Variants in PAPPA2 observed in about 807,000 individuals in gnomAD.
The protein encoded by PAPPA2 is pappalysin 2.
In PAPPA2, 86 loss-of-function variants were observed where a neutral mutation model predicts 176.4. The ratio of observed to expected loss-of-function variants is 0.49; its 90% CI spans 0.41 to 0.58. The LOEUF (loss-of-function observed/expected upper bound fraction) is 0.58, where lower values mean the gene tolerates loss of function less well. Among genes scored for constraint, PAPPA2 ranks in the 20% least tolerant of loss-of-function variants. The pLI is 0.00. For synonymous variants in PAPPA2, 809 were observed against 852.2 expected, an observed-to-expected ratio of 0.95 and a Z score of 0.88; for missense variants, 2,073 against 2,256.9, an observed-to-expected ratio of 0.92 and a Z score of 1.65.
Position 176,595,106 on chromosome 1 carries a change from A to G in PAPPA2, c.1502A>G (p.Gln501Arg). Reference protein sequence around the residue: ...LSPLQPPLCGQTVCDNVELIS... With the variant: ...LSPLQPPLCGRTVCDNVELIS... ...CCTTTGCAGCCCCCACTCTGTGGGC[A>G]AACAGTCTGTGACAATGTGGAATTG... The change falls in exon 3 of 23, where the codon CAA becomes CGA. Residue 501 changes from glutamine (Q) to arginine (R), a missense_variant. Coordinates refer to ENST00000367662, the MANE Select transcript of PAPPA2 (RefSeq NM_020318.3). The G allele has an allele frequency of 6.2e-7, 1 of 1,614,140 alleles. No homozygotes were observed.
intron 3 of PAPPA2, among the ~76,000 whole-genome samples, chr1:176,661,261 A>G (rs1350942673): frequency 6.6e-6 from 1 of 152,096 alleles, no homozygotes; most frequent in East Asian, 1.9e-4. Flanking sequence ...AAACCACTGT[A>G]GCTATTTTAA....
chr1:176,770,016 T>C (rs1052487714), intron 16 of PAPPA2, among the ~76,000 whole-genome samples: 1 of 152,244 alleles, frequency 6.6e-6, no homozygotes, highest in African/African-American at 2.4e-5. Flanking sequence ...TAGACTTTCC[T>C]CTATTTTTAT....
chr1:176,602,653 G>A (rs72716840), intron 3 of PAPPA2, among the ~76,000 whole-genome samples: 2,474 of 152,082 alleles, frequency 0.016, 27 homozygotes, highest in Non-Finnish European at 0.025. Context: ...GAAAATAAGC[G>A]TAAGGGGTAG....
At chr1:176,565,183 A>G (rs1018474271) in intron 2 of PAPPA2, among the ~76,000 whole-genome samples, 2 of 152,158 alleles carry the variant, frequency 1.3e-5, no homozygotes, top group African/African-American at 4.8e-5. Flanking sequence ...CAATTACTGG[A>G]TATTTTGGTT....
intron 17 of PAPPA2, among the ~76,000 whole-genome samples, chr1:176,773,906 T>C (rs566227369): frequency 2.0e-5 from 3 of 152,308 alleles, no homozygotes; most frequent in Non-Finnish European, 4.4e-5. Flanking sequence ...CTTTGTCTCA[T>C]TCTACCCAGG....
intron 17 of PAPPA2, among the ~76,000 whole-genome samples, chr1:176,782,256 C>T (rs1664752202): frequency 6.6e-6 from 1 of 152,148 alleles, no homozygotes; most frequent in Non-Finnish European, 1.5e-5. Flanking sequence ...ATTCATTGAA[C>T]CAATATTTAT....
At chr1:176,779,475 A>ATCTC (rs1011914113) in intron 17 of PAPPA2, among the ~76,000 whole-genome samples, 7 of 99,688 alleles carry the variant, frequency 7.0e-5, no homozygotes, top group South Asian at 3.3e-4. Context: ...TTCCATACTC[A>ATCTC]TCACACACAC....
At chr1:176,568,825 GTC>G (rs1652141376) in intron 2 of PAPPA2, among the ~76,000 whole-genome samples, 2 of 152,186 alleles carry the variant, frequency 1.3e-5, no homozygotes, top group African/African-American at 4.8e-5. Context: ...AATTCTGACT[GTC>G]TCTAACCCGA....
intron 3 of PAPPA2, among the ~76,000 whole-genome samples, chr1:176,667,873 A>T (rs891428053): frequency 6.6e-6 from 1 of 152,158 alleles, no homozygotes; most frequent in African/African-American, 2.4e-5. Flanking sequence ...AGCACAAAGA[A>T]TCACTTTTCC....
chr1:176,837,478 C>CAAAAA (rs35134966), intron 21 of PAPPA2, among the ~76,000 whole-genome samples: 1 of 94,764 alleles, frequency 1.1e-5, no homozygotes, highest in Non-Finnish European at 2.1e-5. Context: ...TGTTAAAAGG[C>CAAAAA]AAAAAAAAAA....
chr1:176,734,716 G>A (rs902922809), intron 12 of PAPPA2, among the ~76,000 whole-genome samples: 3 of 152,076 alleles, frequency 2.0e-5, no homozygotes, highest in Admixed American at 6.6e-5. Context: ...CACACAGATA[G>A]CAATAGTATT....
rs560965475 is a variant in PAPPA2, at chr1:176,588,406, A to G, written c.920-6118A>G. Among the ~76,000 whole-genome samples the G allele has an allele frequency of 2.6e-5, 4 of 152,232 alleles. No homozygotes were observed. The South Asian group carries it at 6.2e-4, about 24-fold the overall frequency. ...TCCTCTTTGAATACCCTTTATTTCTATCTCTTGCCTGATTGCCCTAGCCAG... is the reference window on the plus strand; with the variant it reads ...TCCTCTTTGAATACCCTTTATTTCTGTCTCTTGCCTGATTGCCCTAGCCAG... On this transcript the variant is annotated intron_variant, in intron 2 of 22. Transcript: ENST00000367662.
intron 20 of PAPPA2, among the ~76,000 whole-genome samples, chr1:176,798,662 G>T (rs1157399229): frequency 6.6e-6 from 1 of 152,180 alleles, no homozygotes; most frequent in Non-Finnish European, 1.5e-5. Context: ...AATTACTGTT[G>T]ATATGCAAAT....
Position 176,541,933 on chromosome 1 carries a change from C to T in PAPPA2, c.-916-13474C>T, listed in dbSNP as rs12084168. 3.4e-3 allele frequency among the ~76,000 whole-genome samples: 520 copies of T among 152,326 alleles called. 2 individuals are homozygous for T. Among genetic ancestry groups the T allele is most frequent in the African/African-American group, 0.012 (485 of 41,566 alleles). On this transcript the variant is annotated intron_variant, in intron 1 of 22. Coordinates refer to ENST00000367662, the MANE Select transcript of PAPPA2 (RefSeq NM_020318.3). ...CTGACTCTACAAATACATAGTGATACACTTTGTTAGCACTTAATTCAAAAT... is the reference window on the plus strand; with the variant it reads ...CTGACTCTACAAATACATAGTGATATACTTTGTTAGCACTTAATTCAAAAT...
At chr1:176,588,106 C>A (rs917589552) in intron 2 of PAPPA2, among the ~76,000 whole-genome samples, 2 of 152,106 alleles carry the variant, frequency 1.3e-5, no homozygotes, top group Admixed American at 6.5e-5. Context: ...GTTTGTAGTT[C>A]TTCTTGAAGA....
At chr1:176,533,613 A>G (rs182973235) in intron 1 of PAPPA2, among the ~76,000 whole-genome samples, 43 of 152,350 alleles carry the variant, frequency 2.8e-4, no homozygotes, top group Admixed American at 6.5e-4. Flanking sequence ...CCATGGTTAT[A>G]CCTTCATAAA....
At chr1:176,669,924 C>T (rs1241863106) in intron 3 of PAPPA2, among the ~76,000 whole-genome samples, 8 of 152,140 alleles carry the variant, frequency 5.3e-5, no homozygotes, top group Non-Finnish European at 1.0e-4. Flanking sequence ...AGAATAGCAT[C>T]AACAAAGCAT....
chr1:176,697,927 T>A (rs1171072737), intron 7 of PAPPA2, among the ~76,000 whole-genome samples: 1 of 152,156 alleles, frequency 6.6e-6, no homozygotes, highest in Non-Finnish European at 1.5e-5. Context: ...ATGAATCAAC[T>A]CATAATAAAT....
rs12130267 is a variant in PAPPA2 at position 176,621,758 on chromosome 1, T to A, written c.1991+26163T>A. 5.3e-5 allele frequency among the ~76,000 whole-genome samples: 8 copies of A among 152,056 alleles called. No homozygotes were observed. The East Asian group carries it at 1.5e-3, about 29-fold the overall frequency. On this transcript the variant is annotated intron_variant, in intron 3 of 22. Coordinates refer to ENST00000367662, the MANE Select transcript of PAPPA2 (RefSeq NM_020318.3). ...ATCAGGTTCAATGGCCTGTCTGTTA[T>A]AGTAACTGCCTCTAGTGAACACACC...
Sources: allele counts gnomAD v4.1 joint callset (sites outside exome capture counted in the v4.1 genomes callset), GRCh38; gene constraint gnomAD v4.1.1; transcripts MANE v1.5; gene names NCBI Gene and HGNC (gene_info 2026-07-23, HGNC 2026-07-21).